MAGI2: variants seen among roughly 807,000 people sequenced by gnomAD.
The protein encoded by MAGI2 is membrane-associated guanylate kinase, WW and PDZ domain-containing protein 2.
A neutral mutation model predicts 133.3 loss-of-function variants in MAGI2; 35 were observed. The ratio of observed to expected loss-of-function variants is 0.26; its 90% CI spans 0.20 to 0.35. MAGI2 has a LOEUF of 0.35. Among genes scored for constraint, MAGI2 ranks in the 10% least tolerant of loss-of-function variants. The probability of loss-of-function intolerance (pLI) is 1.00; values close to 1 mark genes in which losing one functional copy is unlikely to be tolerated. For missense variants in MAGI2, 1,636 were observed against 1,863.4 expected (o/e 0.88, Z 2.25); for synonymous variants, 729 against 710.6 (o/e 1.03, Z -0.41).
At chr7:78,185,844 G>A (rs982775596) in intron 12 of MAGI2, among the ~76,000 whole-genome samples, 174 bp from the exon 13 acceptor site, 9 of 151,676 alleles carry the variant, frequency 5.9e-5, no homozygotes, top group African/African-American at 1.2e-4. Context: ...CCTGCTTTAC[G>A]TATGAGCATG....
At chr7:78,787,582 A>C (rs1460288406) in intron 2 of MAGI2, among the ~76,000 whole-genome samples, 2 of 152,236 alleles carry the variant, frequency 1.3e-5, no homozygotes, top group Non-Finnish European at 2.9e-5. Context: ...CAGATAAAAA[A>C]AGTATTTTTC....
At position 78,018,484 on chromosome 7, in the gene MAGI2, T is replaced by C. The variant is rs187253629; in HGVS notation, c.*831A>G. 1.3e-5 allele frequency: 2 copies of C among 152,362 alleles called. No homozygotes were observed. Among genetic ancestry groups the C allele is most frequent in the Non-Finnish European group, 2.9e-5 (2 of 68,032 alleles). The allele number at this position is 152,362 out of a possible 1,614,324, so 9.4% of individuals were successfully genotyped here. A position where few individuals can be genotyped will look rare whatever the true frequency, so the allele number is the denominator to read the frequency against. On this transcript the variant is annotated 3_prime_UTR_variant, in exon 22 of 22. Transcript: ENST00000354212. ...ATCTTGATTAAACAAATTGTGGTCCTTCAATTATAAAATTCATATTTTAGA... is the reference window on the plus strand; with the variant it reads ...ATCTTGATTAAACAAATTGTGGTCCCTCAATTATAAAATTCATATTTTAGA...
chr7:79,254,285 G>A (rs377724818), intron 1 of MAGI2, among the ~76,000 whole-genome samples: 7 of 138,510 alleles, frequency 5.1e-5, no homozygotes, highest in Non-Finnish European at 6.4e-5. Flanking sequence ...TCTATCACAC[G>A]CTTTAGAAGT....
At chr7:78,375,150 G>A (rs1794319311) in intron 6 of MAGI2, among the ~76,000 whole-genome samples, 1 of 152,012 alleles carries the variant, frequency 6.6e-6, no homozygotes, top group Non-Finnish European at 1.5e-5. Context: ...GGCTTCTGTT[G>A]ATGTCTTTCA....
chr7:78,544,973 G>A (rs1014805399), intron 3 of MAGI2, among the ~76,000 whole-genome samples: 32 of 151,416 alleles, frequency 2.1e-4, no homozygotes, highest in South Asian at 2.1e-4. Context: ...TCTTAATTTC[G>A]TAATCTAGTA....
At chr7:78,427,330 A>T (rs1247982596) in intron 6 of MAGI2, among the ~76,000 whole-genome samples, 1 of 152,176 alleles carries the variant, frequency 6.6e-6, no homozygotes, top group Non-Finnish European at 1.5e-5. Context: ...CAATCCAATT[A>T]TATGCTGAGT....
At chr7:78,605,221 T>G (rs1805676905) in intron 3 of MAGI2, among the ~76,000 whole-genome samples, 1 of 152,196 alleles carries the variant, frequency 6.6e-6, no homozygotes. Context: ...ATGGTAGAAC[T>G]AAGGAGAAAT....
At chr7:78,944,680 A>G (rs1377863449) in intron 2 of MAGI2, among the ~76,000 whole-genome samples, 2 of 151,800 alleles carry the variant, frequency 1.3e-5, no homozygotes, top group Non-Finnish European at 2.9e-5. Context: ...CCAGGGATAT[A>G]TGTATGTCAG....
intron 1 of MAGI2, among the ~76,000 whole-genome samples, chr7:79,087,849 G>T (rs972434413): frequency 2.6e-5 from 4 of 151,994 alleles, no homozygotes; most frequent in Non-Finnish European, 4.4e-5. Flanking sequence ...TGTTCCATTG[G>T]TCTATATATC....
At chr7:78,477,673 C>T (rs535054923) in intron 6 of MAGI2, among the ~76,000 whole-genome samples, 6 of 151,874 alleles carry the variant, frequency 4.0e-5, no homozygotes, top group Non-Finnish European at 5.9e-5. Context: ...GGGGAAACCG[C>T]CCCCATGACT....
At chr7:78,473,711 C>T (rs1420971629) in intron 6 of MAGI2, among the ~76,000 whole-genome samples, 2 of 151,958 alleles carry the variant, frequency 1.3e-5, no homozygotes, top group Admixed American at 6.6e-5. Flanking sequence ...ACACATATTT[C>T]TTCCCTTATG....
intron 1 of MAGI2, among the ~76,000 whole-genome samples, chr7:79,313,597 C>T (rs1838465332): frequency 6.6e-6 from 1 of 152,012 alleles, no homozygotes; most frequent in African/African-American, 2.4e-5. Context: ...AAACAAGATA[C>T]AAAAGATTAC....
intron 9 of MAGI2, among the ~76,000 whole-genome samples, chr7:78,288,094 T>C (rs184171316): frequency 6.6e-6 from 1 of 152,300 alleles, no homozygotes; most frequent in Non-Finnish European, 1.5e-5. Context: ...AATGTGAGTA[T>C]ATTATTTCAA....
chr7:78,360,797 A>G (rs539654644), intron 7 of MAGI2, among the ~76,000 whole-genome samples: 25 of 152,272 alleles, frequency 1.6e-4, no homozygotes, highest in African/African-American at 5.8e-4. Flanking sequence ...CAATTCCCCA[A>G]GTTCAGACTG....
At chr7:78,255,805 TTC>T (rs371192903) in intron 10 of MAGI2, 136 bp downstream of exon 10, 1 of 824,006 alleles carries the variant, frequency 1.2e-6, no homozygotes, top group East Asian at 2.7e-5. Context: ...ATTCATGTTT[TTC>T]TCTCTCACTC....
At chr7:79,205,937 A>G (rs1025331226) in intron 1 of MAGI2, among the ~76,000 whole-genome samples, 2 of 151,818 alleles carry the variant, frequency 1.3e-5, no homozygotes, top group Admixed American at 6.6e-5. Context: ...CACTTAACCA[A>G]TAATGAAGAC....
intron 3 of MAGI2, among the ~76,000 whole-genome samples, chr7:78,550,339 A>G (rs1232269865): frequency 6.6e-6 from 1 of 152,214 alleles, no homozygotes; most frequent in Non-Finnish European, 1.5e-5. Flanking sequence ...CTCAGCTGAT[A>G]AAATATTTAA....
rs78874868 is a variant in MAGI2, at chr7:78,388,300, A to G, written c.1046-19087T>C. On this transcript the variant is annotated intron_variant, in intron 6 of 21. Transcript: ENST00000354212. The stretch of plus-strand genomic sequence containing the variant: ...TATCATCATCATCATCATCATCGTC[A>G]TCATCATCATCATCGGTAGTGGTAG... 1.7e-4 allele frequency among the ~76,000 whole-genome samples: 20 copies of G among 117,954 alleles called. No homozygotes were observed. In the East Asian group the frequency reaches 3.3e-3, roughly 20 times the overall value. The allele number at this position is 117,954 out of a possible 152,430, so 77.4% of individuals were successfully genotyped here.
intron 2 of MAGI2, among the ~76,000 whole-genome samples, chr7:78,923,903 CT>C (rs1458910551): frequency 2.0e-5 from 3 of 152,148 alleles, no homozygotes; most frequent in Non-Finnish European, 4.4e-5. Context: ...TTGAAGAGGT[CT>C]TTCACGTCCC....
Sources: gnomAD v4.1 joint callset for allele counts (sites outside exome capture counted in the v4.1 genomes callset) on GRCh38, gnomAD v4.1.1 for gene constraint, MANE v1.5 for transcripts, NCBI Gene and HGNC (gene_info 2026-07-23, HGNC 2026-07-21) for gene names.